TRIP11: variants seen among roughly 807,000 people sequenced by gnomAD.
TRIP11 encodes thyroid receptor-interacting protein 11.
Under a neutral mutation model 223.1 loss-of-function variants are expected in TRIP11, and 148 were observed. The observed-to-expected ratio is 0.66, with a 90% confidence interval of 0.58 to 0.76. The LOEUF is 0.76. Ranked by LOEUF, TRIP11 falls within the 30% of genes least tolerant of loss-of-function variation. The probability of loss-of-function intolerance (pLI) is 0.00; values close to 1 mark genes in which losing one functional copy is unlikely to be tolerated. For synonymous variants in TRIP11, 762 were observed against 772.6 expected (o/e 0.99, Z 0.23); for missense variants, 2,043 against 2,222.0 (o/e 0.92, Z 1.62).
At chr14:92,002,573 T>C (rs2056839990) in intron 11 of TRIP11, among the ~76,000 whole-genome samples, 2 of 151,958 alleles carry the variant, frequency 1.3e-5, no homozygotes, top group South Asian at 4.2e-4. Context: ...TTCTTTTTTT[T>C]TTTTTCTTTT....
chr14:92,022,704 C>T (rs767451134), intron 3 of TRIP11, among the ~76,000 whole-genome samples: 7 of 152,128 alleles, frequency 4.6e-5, no homozygotes, highest in Admixed American at 1.3e-4. Context: ...AAGACACTGC[C>T]ACAACTGAGG....
intron 2 of TRIP11, among the ~76,000 whole-genome samples, chr14:92,032,800 T>C (rs2057282734): frequency 1.4e-5 from 2 of 145,114 alleles, no homozygotes; most frequent in Admixed American, 1.4e-4. Flanking sequence ...GCCACTGCAC[T>C]CCAGCCTGGG....
At position 91,999,436 on chromosome 14, in the gene TRIP11, A is replaced by G; in HGVS notation, c.4699-3T>C. On this transcript the variant is annotated splice_polypyrimidine_tract_variant and splice_region_variant and intron_variant, in intron 12 of 20. Coordinates refer to ENST00000267622, the MANE Select transcript of TRIP11 (RefSeq NM_004239.4). ...TCTTTGTCACGTAAACGTTGAACCT[A>G]GGTAGAGGACATTATTTTTCTTTTA... 3 of 1,613,542 alleles carry G rather than the reference A, an allele frequency of 1.9e-6. No individual in the cohort carries two copies. The highest frequency in any genetic ancestry group is 2.5e-6 in the Non-Finnish European group (3 of 1,179,792).
At chr14:91,999,111 C>G in intron 13 of TRIP11, 129 bp downstream of exon 13, 1 of 1,059,832 alleles carries the variant, frequency 9.4e-7, no homozygotes, top group Non-Finnish European at 1.4e-6. Context: ...TCTTTACCTT[C>G]AGTTTCTTCA....
chr14:92,021,388 C>CA (rs35038594), intron 4 of TRIP11, among the ~76,000 whole-genome samples, 168 bp downstream of exon 4: 165 of 109,462 alleles, frequency 1.5e-3, no homozygotes, highest in East Asian at 5.5e-3. Flanking sequence ...GATTCTGTCT[C>CA]AAAAAAAAAA....
chr14:92,026,243 GA>G (rs2057184963), intron 2 of TRIP11, among the ~76,000 whole-genome samples: 1 of 152,034 alleles, frequency 6.6e-6, no homozygotes, highest in South Asian at 2.1e-4. Context: ...AGAACTGTTT[GA>G]AAAAAGTTAA....
intron 2 of TRIP11, among the ~76,000 whole-genome samples, chr14:92,028,938 T>A (rs2057224244): frequency 6.6e-6 from 1 of 152,236 alleles, no homozygotes; most frequent in Admixed American, 6.5e-5. Flanking sequence ...TAAAACTTGA[T>A]ATTTATGATT....
rs146746460 is a variant in TRIP11 at position 92,005,700 on chromosome 14, A to G, written c.2276T>C (p.Leu759Pro). 2 of 1,613,922 alleles carry G rather than the reference A, an allele frequency of 1.2e-6. No individual in the cohort carries two copies. The highest frequency in any genetic ancestry group is 1.7e-6 in the Non-Finnish European group (2 of 1,180,016). ...ARNLNTSALQLEHEHLIKLNQ... is the reference protein window; with the variant it reads ...ARNLNTSALQPEHEHLIKLNQ... Reference sequence around the variant, plus strand: ...GAGTTTAATTAAATGCTCATGTTCCAGCTGTAAGGCAGAGGTATTCAAATT... The same window carrying G: ...GAGTTTAATTAAATGCTCATGTTCCGGCTGTAAGGCAGAGGTATTCAAATT... Residue 759 changes from leucine to proline, a missense_variant, in exon 11 of 21, where the codon CTG (leucine) becomes CCG (proline). Transcript: ENST00000267622.
Position 92,004,337 on chromosome 14 carries a change from C to T in TRIP11, c.3639G>A (p.Lys1213=). ...CCATTTTCTTTACTTGCTGTTTTAACTTGTCACGTTCCTGTAGAAGCTCCT... is the reference window on the plus strand; with the variant it reads ...CCATTTTCTTTACTTGCTGTTTTAATTTGTCACGTTCCTGTAGAAGCTCCT... ...QFEELLQERD[K]LKQQVKKMEE... Residue 1213 remains lysine, a synonymous_variant, in exon 11 of 21, where the codon AAG becomes AAA. Transcript: ENST00000267622. The T allele has an allele frequency of 6.2e-7, 1 of 1,614,118 alleles. No individual in the cohort carries two copies.
chr14:92,007,709 A>G lies in TRIP11; in HGVS notation c.1458T>C (p.Ser486=). The change falls in exon 10 of 21, where the codon AGT becomes AGC. Residue 486 remains serine, a synonymous_variant. Coordinates refer to ENST00000267622, the MANE Select transcript of TRIP11 (RefSeq NM_004239.4). ...CTATCAGTGTTTCCTTTTCACTAAT[A>G]CTCTGATTGAGTTCTTGTTCCTTTG... ...LEAKEQELNQ[S]ISEKETLIAE... 1 of 1,613,610 alleles carries G rather than the reference A, an allele frequency of 6.2e-7. No individual in the cohort carries two copies. Among genetic ancestry groups the G allele is most frequent in the Non-Finnish European group, 8.5e-7 (1 of 1,179,954 alleles).
Position 91,966,792 on chromosome 14 carries a change from G to C in TRIP11, c.*2881C>G. On this transcript the variant is annotated 3_prime_UTR_variant, in exon 21 of 21. Coordinates refer to ENST00000267622, the MANE Select transcript of TRIP11 (RefSeq NM_004239.4). ...GTAGTTAGATGAATTTTCTACTACA[G>C]TATAGAGGTTGAAAACCATTAGGAA... 4.6e-6 allele frequency: 1 copy of C among 215,786 alleles called. No homozygotes were observed. Among genetic ancestry groups the C allele is most frequent in the East Asian group, 6.9e-5 (1 of 14,434 alleles). The allele number at this position is 215,786 out of a possible 1,614,324, so 13.4% of individuals were successfully genotyped here.
intron 16 of TRIP11, among the ~76,000 whole-genome samples, chr14:91,983,900 G>A (rs774277995): frequency 2.2e-4 from 33 of 152,276 alleles, no homozygotes; most frequent in Admixed American, 5.9e-4. Flanking sequence ...ATCCAGCACC[G>A]TAAAGGTAGT....
intron 2 of TRIP11, among the ~76,000 whole-genome samples, chr14:92,032,599 C>T (rs1156709503): frequency 6.6e-6 from 1 of 152,122 alleles, no homozygotes; most frequent in African/African-American, 2.4e-5. Context: ...CTTTGGGAGG[C>T]TAAGGCGGGT....
intron 9 of TRIP11, among the ~76,000 whole-genome samples, chr14:92,010,455 G>A (rs1218644258): frequency 1.3e-5 from 2 of 151,980 alleles, no homozygotes; most frequent in African/African-American, 2.4e-5. Flanking sequence ...GCTTGAACCC[G>A]GGAGGCGGAG....
chr14:91,999,353 A>C lies in TRIP11; in HGVS notation c.4779T>G (p.Asp1593Glu), dbSNP rs1231621920. The C allele has an allele frequency of 1.9e-6, 3 of 1,613,934 alleles. No homozygotes were observed. Among genetic ancestry groups the C allele is most frequent in the Non-Finnish European group, 2.5e-6 (3 of 1,179,924 alleles). Residue 1593 changes from aspartate (D) to glutamate (E), a missense_variant, in exon 13 of 21, where the codon GAT (aspartate) becomes GAG (glutamate). Coordinates refer to ENST00000267622, the MANE Select transcript of TRIP11 (RefSeq NM_004239.4). Reference protein sequence around the residue: ...RLRNHLLESEDSYTREALAAE... With the variant: ...RLRNHLLESEESYTREALAAE... ...CAGCCAAAGCTTCACGGGTATAAGA[A>C]TCTTCTGATTCTAAAAGATGATTAC...
At chr14:92,023,293 G>A (rs894029914) in intron 3 of TRIP11, among the ~76,000 whole-genome samples, 1 of 152,118 alleles carries the variant, frequency 6.6e-6, no homozygotes, top group African/African-American at 2.4e-5. Flanking sequence ...GGGACTAGAA[G>A]GGTTTCACAT....
At chr14:92,030,938 G>C (rs2057257366) in intron 2 of TRIP11, among the ~76,000 whole-genome samples, 1 of 151,456 alleles carries the variant, frequency 6.6e-6, no homozygotes, top group Non-Finnish European at 1.5e-5. Flanking sequence ...ATTTTCAAAA[G>C]TATTGCTTTT....
At position 91,968,304 on chromosome 14, in the gene TRIP11, A is replaced by C. The variant is rs1322871694; in HGVS notation, c.*1369T>G. 4.9e-6 allele frequency: 1 copy of C among 204,688 alleles called. No homozygotes were observed. Among genetic ancestry groups the C allele is most frequent in the African/African-American group, 2.3e-5 (1 of 43,710 alleles). 12.7% of individuals were successfully genotyped at this position (204,688 alleles called of 1,614,324 possible). On this transcript the variant is annotated 3_prime_UTR_variant, in exon 21 of 21. Coordinates refer to ENST00000267622, the MANE Select transcript of TRIP11 (RefSeq NM_004239.4). Reference sequence around the variant, plus strand: ...TTCAACAACTAATAAAAATATGAACATCCAGATACAGTTAAGTTTCAAGTC... The same window carrying C: ...TTCAACAACTAATAAAAATATGAACCTCCAGATACAGTTAAGTTTCAAGTC...
intron 16 of TRIP11, among the ~76,000 whole-genome samples, chr14:91,980,325 G>T (rs1309876100): frequency 6.6e-6 from 1 of 152,070 alleles, no homozygotes; most frequent in Admixed American, 6.6e-5. Flanking sequence ...AAAGTCATTT[G>T]GATATTTCAT....
Sources: allele counts gnomAD v4.1 joint callset (sites outside exome capture counted in the v4.1 genomes callset), GRCh38; gene constraint gnomAD v4.1.1; transcripts MANE v1.5; gene names NCBI Gene and HGNC (gene_info 2026-07-23, HGNC 2026-07-21).